OSBPL8: variants seen among roughly 807,000 people sequenced by gnomAD.
OSBPL8 encodes oxysterol-binding protein-related protein 8.
OSBPL8 carries 59 observed loss-of-function variants against 125.5 expected under a neutral mutation model. The observed-to-expected ratio is 0.47, with a 90% CI of 0.38 to 0.58. OSBPL8 has a LOEUF of 0.58. Ranked by LOEUF, OSBPL8 falls within the 20% of genes least tolerant of loss-of-function variation. The pLI is 0.00. For synonymous variants in OSBPL8, 330 were observed against 338.9 expected, an observed-to-expected ratio of 0.97 and a Z score of 0.29; for missense variants, 758 against 1,047.8, an observed-to-expected ratio of 0.72 and a Z score of 3.82.
At chr12:76,451,088 G>A in intron 3 of OSBPL8, 100 bp from the exon 4 acceptor site, 3 of 1,264,796 alleles carry the variant, frequency 2.4e-6, no homozygotes, top group Non-Finnish European at 3.2e-6. Context: ...AATGGCCTTG[G>A]TGGTTATATT....
intron 1 of OSBPL8, among the ~76,000 whole-genome samples, chr12:76,487,903 AATTAGTTTTTCATT>A (rs1451798689): frequency 6.6e-6 from 1 of 152,228 alleles, no homozygotes; most frequent in Non-Finnish European, 1.5e-5. Context: ...TAATGAAATA[AATTAGTTTTTCATT>A]ATTACATTGG....
intron 1 of OSBPL8, among the ~76,000 whole-genome samples, chr12:76,534,853 C>T (rs547740099): frequency 1.3e-5 from 2 of 152,156 alleles, no homozygotes; most frequent in African/African-American, 4.8e-5. Context: ...GACCCATAAA[C>T]AGAGTCAATT....
In OSBPL8 at chr12:76,459,910, T is replaced by C; in HGVS notation, c.43-15A>G. 6.2e-7 allele frequency: 1 copy of C among 1,613,228 alleles called. No individual in the cohort carries two copies. Among genetic ancestry groups the C allele is most frequent in the Non-Finnish European group, 8.5e-7 (1 of 1,179,840 alleles). ...TCACCAAGAAGCTTTTAAGGCAGGG[T>C]AATTGAGCAGCAAACAAATACAGTC... On this transcript the variant is annotated splice_polypyrimidine_tract_variant and intron_variant, in intron 2 of 23. Transcript: ENST00000261183.
chr12:76,486,307 GCAATCTAATAGTGACTCT>G (rs975385400), intron 2 of OSBPL8, among the ~76,000 whole-genome samples: 2 of 151,984 alleles, frequency 1.3e-5, no homozygotes, highest in African/African-American at 4.8e-5. Flanking sequence ...TACAAACACC[GCAATCTAATAGTGACTCT>G]CAATTCCACA....
intron 1 of OSBPL8, among the ~76,000 whole-genome samples, chr12:76,536,373 A>C (rs978335983): frequency 4.6e-5 from 7 of 152,108 alleles, no homozygotes; most frequent in Non-Finnish European, 8.8e-5. Flanking sequence ...ATACCAAAAA[A>C]AAAATCAAGC....
At chr12:76,506,482 T>A (rs989359835) in intron 1 of OSBPL8, among the ~76,000 whole-genome samples, 2 of 152,212 alleles carry the variant, frequency 1.3e-5, no homozygotes, top group Non-Finnish European at 2.9e-5. Context: ...AGCGCTGAGG[T>A]GCTCCAGTAT....
At chr12:76,497,905 C>T (rs1051061951) in intron 1 of OSBPL8, among the ~76,000 whole-genome samples, 1 of 152,146 alleles carries the variant, frequency 6.6e-6, no homozygotes, top group African/African-American at 2.4e-5. Context: ...AACTAAGGAA[C>T]ACATGAATTT....
At chr12:76,501,063 T>C (rs1879847194) in intron 1 of OSBPL8, among the ~76,000 whole-genome samples, 1 of 151,194 alleles carries the variant, frequency 6.6e-6, no homozygotes, top group South Asian at 2.1e-4. Flanking sequence ...TTTGTAATTA[T>C]TTATTGAGTA....
chr12:76,406,821 C>T (rs369690248), intron 5 of OSBPL8, among the ~76,000 whole-genome samples: 2 of 152,068 alleles, frequency 1.3e-5, no homozygotes, highest in African/African-American at 4.8e-5. Context: ...CTAGGTTGCC[C>T]AGGCTGGTCT....
intron 1 of OSBPL8, among the ~76,000 whole-genome samples, chr12:76,492,460 C>A (rs979221843): frequency 6.6e-6 from 1 of 152,142 alleles, no homozygotes; most frequent in Non-Finnish European, 1.5e-5. Context: ...CAGACTGATA[C>A]GGGTCTGTGG....
intron 2 of OSBPL8, among the ~76,000 whole-genome samples, chr12:76,482,873 A>G (rs1208432251): frequency 3.3e-5 from 5 of 152,222 alleles, no homozygotes; most frequent in Non-Finnish European, 7.3e-5. Flanking sequence ...TTTAATCTAT[A>G]CTTTTTAGTA....
At chr12:76,417,022 C>T (rs1398901023) in intron 4 of OSBPL8, among the ~76,000 whole-genome samples, 1 of 152,114 alleles carries the variant, frequency 6.6e-6, no homozygotes, top group African/African-American at 2.4e-5. Context: ...ATACAAAGGC[C>T]TTGGAAGAAC....
chr12:76,476,178 T>C (rs1037942378), intron 2 of OSBPL8, among the ~76,000 whole-genome samples: 1 of 152,210 alleles, frequency 6.6e-6, no homozygotes, highest in Non-Finnish European at 1.5e-5. Flanking sequence ...TTCTCTAGAT[T>C]GACCAAAATG....
intron 1 of OSBPL8, chr12:76,538,073 A>G (rs1950546640): frequency 1.3e-5 from 2 of 152,200 alleles, no homozygotes; most frequent in African/African-American, 4.8e-5. Context: ...GCTAACTAAC[A>G]AGGTTTTATC....
chr12:76,531,861 C>T (rs946957470), intron 1 of OSBPL8, among the ~76,000 whole-genome samples: 1 of 151,920 alleles, frequency 6.6e-6, no homozygotes, highest in Non-Finnish European at 1.5e-5. Flanking sequence ...CACGGTGAAA[C>T]CCCATCTCTA....
At chr12:76,462,604 G>A (rs766055116) in intron 2 of OSBPL8, among the ~76,000 whole-genome samples, 5 of 151,538 alleles carry the variant, frequency 3.3e-5, no homozygotes, top group Non-Finnish European at 7.4e-5. Flanking sequence ...TAAGACAGAT[G>A]AACATTAACA....
At chr12:76,493,684 T>C (rs1037789647) in intron 1 of OSBPL8, among the ~76,000 whole-genome samples, 6 of 152,216 alleles carry the variant, frequency 3.9e-5, no homozygotes, top group Non-Finnish European at 8.8e-5. Context: ...TTTGATTAGA[T>C]ATGTCTTCTT....
chr12:76,536,878 A>G (rs1381678536), intron 1 of OSBPL8: 1 of 152,154 alleles, frequency 6.6e-6, no homozygotes, highest in Non-Finnish European at 1.5e-5. Context: ...TTTAAATGTT[A>G]CAGTAGGACC....
intron 14 of OSBPL8, among the ~76,000 whole-genome samples, chr12:76,385,182 A>G (rs117412260): frequency 1.3e-5 from 2 of 152,338 alleles, no homozygotes; most frequent in South Asian, 2.1e-4. Context: ...ATTAATATAG[A>G]TAAGTGGTTT....
Sources: allele counts gnomAD v4.1 joint callset (sites outside exome capture counted in the v4.1 genomes callset), GRCh38; gene constraint gnomAD v4.1.1; transcripts MANE v1.5; gene names NCBI Gene and HGNC (gene_info 2026-07-23, HGNC 2026-07-21).